PRCD: variants seen among roughly 807,000 people sequenced by gnomAD.
PRCD encodes the protein photoreceptor disc component, also known as photoreceptor disk component PRCD.
A neutral mutation model predicts 10.1 loss-of-function variants in PRCD; 12 were observed. The observed-to-expected ratio is 1.18, with a 90% CI of 0.76 to 1.92. The LOEUF is 1.92. Ranked by LOEUF, PRCD falls within the 40% of genes most tolerant of loss-of-function variation. The pLI, the probability that PRCD is intolerant of heterozygous loss-of-function variation, is 0.00. For missense variants in PRCD, 61 were observed against 72.2 expected, an observed-to-expected ratio of 0.84 and a Z score of 0.56; for synonymous variants, 31 against 26.2, an observed-to-expected ratio of 1.18 and a Z score of -0.56.
Position 76,531,424 on chromosome 17 carries a change from G to A in PRCD, n.45+3591G>A, listed in dbSNP as rs773681640. 85 of 1,589,210 alleles carry A rather than the reference G, an allele frequency of 5.3e-5. No individual in the cohort carries two copies. Among genetic ancestry groups the A allele is most frequent in the Non-Finnish European group, 6.6e-5 (77 of 1,160,262 alleles). On this transcript the variant is annotated intron_variant and non_coding_transcript_variant, in intron 1 of 4. Coordinates refer to the PRCD transcript ENST00000397633. The surrounding 1 kb of genome is among the most constrained non-coding windows in gnomAD (Gnocchi z 7.4). ...GAGCTGCAGATGGCCATGACGCGTG[G>A]GCGGTGGGGGCTCTGCAGCAGATGG...
downstream of PRCD, among the ~76,000 whole-genome samples, chr17:76,548,618 G>A (rs903728405): frequency 5.3e-5 from 8 of 152,220 alleles, no homozygotes; most frequent in East Asian, 1.9e-4. Context: ...GGGCTGGAGT[G>A]AGGACGCAGA....
rs146315741 is a variant in PRCD at position 76,543,925 on chromosome 17, T to G, written c.*275T>G. 6 of 470,578 alleles carry G rather than the reference T, an allele frequency of 1.3e-5. No individual in the cohort carries two copies. The highest frequency in any genetic ancestry group is 8.0e-5 in the African/African-American group (4 of 50,190). 29.2% of individuals were successfully genotyped at this position (470,578 alleles called of 1,614,324 possible). A position where few individuals can be genotyped will look rare whatever the true frequency, so the allele number is the denominator to read the frequency against. On this transcript the variant is annotated 3_prime_UTR_variant, in exon 5 of 5. Coordinates refer to ENST00000592014, the MANE Select transcript of PRCD (RefSeq NM_001077620.3). ...CAACGGACAGCTTGTCCTCCGAATG[T>G]GTTTTCTGTATGTGTGCAAGCGCGT...
In PRCD at chr17:76,533,243, T is replaced by A. The variant is rs1351633520; in HGVS notation, n.45+5410T>A. Among the ~76,000 whole-genome samples the A allele has an allele frequency of 6.6e-6, 1 of 152,148 alleles. No homozygotes were observed. Among genetic ancestry groups the A allele is most frequent in the African/African-American group, 2.4e-5 (1 of 41,422 alleles). The stretch of plus-strand genomic sequence containing the variant: ...CAAACCGCTTCACAAGCTCCCTGTT[T>A]GCAGAAGGGCAAGAGGAGGGCCCCC... On this transcript the variant is annotated intron_variant and non_coding_transcript_variant, in intron 1 of 4. Coordinates refer to the PRCD transcript ENST00000397633. The surrounding 1 kb of genome is among the most constrained non-coding windows in gnomAD (Gnocchi z 4.5).
intron 2 of PRCD, among the ~76,000 whole-genome samples, chr17:76,541,425 G>A (rs1029866774): frequency 6.6e-6 from 1 of 152,172 alleles, no homozygotes; most frequent in Non-Finnish European, 1.5e-5. Flanking sequence ...CTCAGGTGGC[G>A]GGTACTGTGA....
Position 76,530,624 on chromosome 17 carries a change from C to G in PRCD, n.45+2791C>G, listed in dbSNP as rs568230669. Among the ~76,000 whole-genome samples the G allele has an allele frequency of 6.6e-5, 10 of 152,292 alleles. No homozygotes were observed. Among genetic ancestry groups the G allele is most frequent in the Non-Finnish European group, 1.2e-4 (8 of 68,018 alleles). ...GAGGAAGTGGCTGGGCTGACCTGGG[C>G]TGCCTCCGAGCCTGATGATCGGACC... On this transcript the variant is annotated intron_variant and non_coding_transcript_variant, in intron 1 of 4. Coordinates refer to the PRCD transcript ENST00000397633. This position sits in a 1 kb window ranked among gnomAD's most constrained non-coding sequence, Gnocchi z 6.1.
At position 76,544,768 on chromosome 17, in the gene PRCD, C is replaced by T. The variant is rs879036068; in HGVS notation, c.*1118C>T. The T allele has an allele frequency of 2.2e-6, 1 of 456,690 alleles. No homozygotes were observed. The highest frequency in any genetic ancestry group is 1.5e-5 in the South Asian group (1 of 64,580). The allele number at this position is 456,690 out of a possible 1,614,324, so 28.3% of individuals were successfully genotyped here. On this transcript the variant is annotated 3_prime_UTR_variant, in exon 5 of 5. Coordinates refer to ENST00000592014, the MANE Select transcript of PRCD (RefSeq NM_001077620.3). ...GCATTTATTCTCTATTTGCCATGTT[C>T]CTGTCACCTCATCCTTGCTGCCATT...
At chr17:76,529,915 G>T (rs2074814713) in intron 1 of PRCD, 3 of 985,268 alleles carry the variant, frequency 3.0e-6, no homozygotes, top group Non-Finnish European at 3.6e-6. Flanking sequence ...ACGGGAGAGG[G>T]GGGAGGGGAG....
upstream of PRCD, chr17:76,537,885 C>G (rs2074938686): frequency 6.6e-6 from 1 of 151,186 alleles, no homozygotes; most frequent in African/African-American, 2.4e-5. Context: ...GTGGGGGCGA[C>G]GCGACTGCCG....
chr17:76,548,001 C>T (rs535856599), downstream of PRCD, among the ~76,000 whole-genome samples: 1 of 152,120 alleles, frequency 6.6e-6, no homozygotes, highest in African/African-American at 2.4e-5. Flanking sequence ...TTCACACACA[C>T]ATTCACACAT....
upstream of PRCD, among the ~76,000 whole-genome samples, chr17:76,538,838 C>T (rs903037945): frequency 7.2e-5 from 11 of 152,268 alleles, 1 homozygote; most frequent in Non-Finnish European, 1.6e-4. Flanking sequence ...GTCACTCAGG[C>T]TCCCGGCGAC....
chr17:76,550,914 C>T (rs541068752), intron 1 of PRCD: 3 of 152,308 alleles, frequency 2.0e-5, no homozygotes, highest in Admixed American at 6.5e-5. Context: ...AACGAAGTCC[C>T]GTGATGTTTG....
chr17:76,535,248 G>C (rs974014331), upstream of PRCD, among the ~76,000 whole-genome samples: 3 of 152,248 alleles, frequency 2.0e-5, no homozygotes, highest in African/African-American at 7.2e-5. Flanking sequence ...TAAGGGCTGA[G>C]GGTGCTGGCC....
chr17:76,540,358 C>A lies in PRCD; in HGVS notation c.74+143C>A. On this transcript the variant is annotated intron_variant, in intron 1 of 4. Transcript: ENST00000592014. This position sits in a 1 kb window ranked among gnomAD's most constrained non-coding sequence, Gnocchi z 5.0. ...GCATTTTGAGGAACCCTTGAGAGAG[C>A]ACAGTCTCAGAGCAGGGGGACTTAG... The A allele has an allele frequency of 7.8e-7, 1 of 1,274,926 alleles. No individual in the cohort carries two copies. The highest frequency in any genetic ancestry group is 1.1e-6 in the Non-Finnish European group (1 of 887,818). 79.0% of individuals were successfully genotyped at this position (1,274,926 alleles called of 1,614,324 possible).
rs140688012 is a variant in PRCD, at chr17:76,533,958, G to A, written n.45+6125G>A. Among the ~76,000 whole-genome samples, 23 of 152,034 alleles carry A rather than the reference G, an allele frequency of 1.5e-4. No homozygotes were observed. The East Asian group carries it at 3.9e-3, about 26-fold the overall frequency. On this transcript the variant is annotated intron_variant and non_coding_transcript_variant, in intron 1 of 4. Coordinates refer to the PRCD transcript ENST00000397633. This position sits in a 1 kb window ranked among gnomAD's most constrained non-coding sequence, Gnocchi z 4.5. ...CAGCAGGAAGATCCGATCGCATCAC[G>A]AGCCCAGGATTGGAGGCTGCCATGA...
Position 76,528,067 on chromosome 17 carries a change from G to A in PRCD, n.45+234G>A. On this transcript the variant is annotated intron_variant and non_coding_transcript_variant, in intron 1 of 4. Transcript: ENST00000397633. The surrounding 1 kb of genome is among the most constrained non-coding windows in gnomAD (Gnocchi z 5.8). ...CCCTCCCTGCCCCACTCACAGGTGG[G>A]CCAAACCGAGGCTTCTGGGCGCCGC... The A allele has an allele frequency of 5.5e-6, 2 of 362,416 alleles. No homozygotes were observed. Among genetic ancestry groups the A allele is most frequent in the African/African-American group, 2.1e-5 (1 of 47,992 alleles). 22.5% of individuals were successfully genotyped at this position (362,416 alleles called of 1,614,324 possible).
downstream of PRCD, chr17:76,545,907 C>G (rs116274053): frequency 6.2e-6 from 1 of 160,998 alleles, no homozygotes; most frequent in African/African-American, 2.4e-5. Context: ...GCTGGGCGAC[C>G]GGTAGTTCTG....
upstream of PRCD, chr17:76,537,699 G>GGT (rs550286728): frequency 8.8e-3 from 4,892 of 553,944 alleles, 158 homozygotes; most frequent in African/African-American, 0.075. Flanking sequence ...GTGCGCGCCG[G>GGT]GTGTGTGTGT....
At chr17:76,539,298 C>A (rs1024055522), upstream of PRCD, among the ~76,000 whole-genome samples, 7 of 151,736 alleles carry the variant, frequency 4.6e-5, no homozygotes, top group Non-Finnish European at 8.8e-5. Context: ...TAGGAGAAAT[C>A]GTGTAACTAT....
chr17:76,530,024 G>A lies in PRCD; in HGVS notation n.45+2191G>A, dbSNP rs928838119. On this transcript the variant is annotated intron_variant and non_coding_transcript_variant, in intron 1 of 4. Transcript: ENST00000397633. This position sits in a 1 kb window ranked among gnomAD's most constrained non-coding sequence, Gnocchi z 6.1. ...GGGACCTCCTCCAGGAGCTGTGCCT[G>A]TGAACAGAAGGGCCGGCAGTCTTGG... 19 of 985,414 alleles carry A rather than the reference G, an allele frequency of 1.9e-5. No homozygotes were observed. The highest frequency in any genetic ancestry group is 2.2e-5 in the Non-Finnish European group (18 of 829,910). The allele number at this position is 985,414 out of a possible 1,614,324, so 61.0% of individuals were successfully genotyped here.
Sources: allele counts gnomAD v4.1 joint callset (sites outside exome capture counted in the v4.1 genomes callset), GRCh38; gene constraint gnomAD v4.1.1; non-coding constraint Gnocchi (gnomAD v3.1); transcripts MANE v1.5; gene names NCBI Gene and HGNC (gene_info 2026-07-23, HGNC 2026-07-21).